SDHB: variants seen among roughly 807,000 people sequenced by gnomAD.
The protein encoded by SDHB is succinate dehydrogenase complex iron sulfur subunit B.
A neutral mutation model predicts 39.7 loss-of-function variants in SDHB; 21 were observed. The ratio of observed to expected loss-of-function variants is 0.53; its 90% CI spans 0.37 to 0.76. The LOEUF (loss-of-function observed/expected upper bound fraction) is 0.76, where lower values mean the gene tolerates loss of function less well. Ranked by LOEUF, SDHB falls within the 30% of genes least tolerant of loss-of-function variation. The pLI, the probability that SDHB is intolerant of heterozygous loss-of-function variation, is 0.00. For missense variants in SDHB, 343 were observed against 350.9 expected, an observed-to-expected ratio of 0.98 and a Z score of 0.18; for synonymous variants, 118 against 117.0, an observed-to-expected ratio of 1.01 and a Z score of -0.06.
At chr1:17,050,032 A>G (rs1337802996) in intron 1 of SDHB, among the ~76,000 whole-genome samples, 1 of 152,122 alleles carries the variant, frequency 6.6e-6, no homozygotes, top group African/African-American at 2.4e-5. Context: ...CAGAACCACA[A>G]GGCCTGTGGG....
intron 1 of SDHB, among the ~76,000 whole-genome samples, chr1:17,051,842 A>ATT (rs376165201): frequency 9.8e-5 from 14 of 142,384 alleles, no homozygotes; most frequent in South Asian, 2.2e-4. Context: ...CATTTTTTAA[A>ATT]TTTTTTTTTT....
rs77244636 is a variant in SDHB at position 17,028,340 on chromosome 1, C to T, written c.423+260G>A. On this transcript the variant is annotated intron_variant, in intron 4 of 7. Transcript: ENST00000375499. ...ATGAGCTGCTGGAGGATTTTCTAGG[C>T]GTTTATCTTCTGCCATTCAAATTCT... Among the ~76,000 whole-genome samples, 1,001 of 152,270 alleles carry T rather than the reference C, an allele frequency of 6.6e-3. 5 individuals carry two copies. The highest frequency in any genetic ancestry group is 0.011 in the Non-Finnish European group (764 of 68,022).
chr1:17,052,122 CA>C (rs2078151755), intron 1 of SDHB: 1 of 152,266 alleles, frequency 6.6e-6, no homozygotes, highest in South Asian at 2.1e-4. Context: ...GCTGGAATTA[CA>C]GGCATGAGCC....
At chr1:17,022,901 T>C in intron 6 of SDHB, 171 bp from the exon 7 acceptor site, 2 of 802,606 alleles carry the variant, frequency 2.5e-6, no homozygotes, top group Non-Finnish European at 4.0e-6. Context: ...TCCCAACACT[T>C]GTAGCTTCAC....
At chr1:17,039,013 T>C (rs1262197960) in intron 2 of SDHB, among the ~76,000 whole-genome samples, 1 of 152,206 alleles carries the variant, frequency 6.6e-6, no homozygotes, top group Non-Finnish European at 1.5e-5. Flanking sequence ...TTTCTTGCAC[T>C]TAAAACAGCA....
At chr1:17,023,257 C>T (rs753390013) in intron 6 of SDHB, 11 of 227,876 alleles carry the variant, frequency 4.8e-5, no homozygotes, top group Non-Finnish European at 8.8e-5. Flanking sequence ...CCTGCTCTAG[C>T]AGTGTTACTT....
chr1:17,022,036 C>A (rs72893374), intron 7 of SDHB, among the ~76,000 whole-genome samples: 2,109 of 152,242 alleles, frequency 0.014, 37 homozygotes, highest in African/African-American at 0.047. Flanking sequence ...TCTCAGGAAA[C>A]TGTGCTGAGA....
intron 6 of SDHB, 64 bp downstream of exon 6, chr1:17,023,909 G>A: frequency 8.0e-7 from 1 of 1,250,646 alleles, no homozygotes; most frequent in Admixed American, 1.7e-5. Flanking sequence ...GCAATCTATT[G>A]TCCTCTTGGA....
intron 3 of SDHB, among the ~76,000 whole-genome samples, chr1:17,029,584 C>A (rs560022635): frequency 4.7e-4 from 72 of 152,198 alleles, no homozygotes; most frequent in African/African-American, 1.7e-3. Flanking sequence ...GTGGCTCACG[C>A]CTGGAAACCT....
intron 1 of SDHB, among the ~76,000 whole-genome samples, chr1:17,047,698 G>T: frequency 9.0e-6 from 1 of 110,586 alleles, no homozygotes; most frequent in South Asian, 3.0e-4. Flanking sequence ...AAAAAAAAAA[G>T]AGAGAGAGTT....
At chr1:17,047,214 G>A (rs1057438387) in intron 1 of SDHB, among the ~76,000 whole-genome samples, 8 of 151,408 alleles carry the variant, frequency 5.3e-5, no homozygotes, top group Non-Finnish European at 8.8e-5. Flanking sequence ...AAATTAGCCC[G>A]GTGTGGTGGC....
intron 1 of SDHB, among the ~76,000 whole-genome samples, chr1:17,053,324 G>C (rs2078158870): frequency 6.6e-6 from 1 of 152,112 alleles, no homozygotes; most frequent in African/African-American, 2.4e-5. Context: ...GAAACACTGA[G>C]AGGATACTAG....
chr1:17,027,801 G>A lies in SDHB; in HGVS notation c.488C>T (p.Ser163Phe), dbSNP rs769687734. ...IEPYLKKKDESQEGKQQYLQS... is the reference protein window; with the variant it reads ...IEPYLKKKDEFQEGKQQYLQS... ...CAGATACTGCTGCTTGCCTTCCTGAGATTCATCCTTCTTCTTCAAATAAGG... is the reference window on the plus strand; with the variant it reads ...CAGATACTGCTGCTTGCCTTCCTGAAATTCATCCTTCTTCTTCAAATAAGG... Residue 163 changes from serine (S) to phenylalanine (F), a missense_variant, in exon 5 of 8, where the codon TCT (serine) becomes TTT (phenylalanine). Physicochemically the swap from Ser to Phe is radical, Grantham distance 155. Transcript: ENST00000375499. 11 of 1,613,666 alleles carry A rather than the reference G, an allele frequency of 6.8e-6. No homozygotes were observed. In the East Asian group the frequency reaches 2.5e-4, roughly 36 times the overall value.
At chr1:17,025,905 A>G (rs72639738) in intron 5 of SDHB, among the ~76,000 whole-genome samples, 6,654 of 152,314 alleles carry the variant, frequency 0.044, 200 homozygotes, top group Non-Finnish European at 0.061. Flanking sequence ...TATGCTGCTC[A>G]AAGGAAATGT....
intron 2 of SDHB, among the ~76,000 whole-genome samples, chr1:17,039,111 TAC>T (rs746439002): frequency 2.1e-4 from 32 of 152,154 alleles, no homozygotes; most frequent in African/African-American, 6.3e-4. Flanking sequence ...TTACATTCAA[TAC>T]AGTTATTGAC....
intron 7 of SDHB, among the ~76,000 whole-genome samples, chr1:17,019,752 A>C (rs1047656128): frequency 6.6e-6 from 1 of 152,162 alleles, no homozygotes. Flanking sequence ...GAAAAAATAT[A>C]TATTTTTTTG....
chr1:17,039,039 CT>C (rs549067815), intron 2 of SDHB, among the ~76,000 whole-genome samples: 14 of 151,920 alleles, frequency 9.2e-5, no homozygotes, highest in African/African-American at 1.7e-4. Context: ...TTGGGTTTTG[CT>C]TTTTTTAAAA....
chr1:17,038,794 T>C (rs2078063255), intron 2 of SDHB, among the ~76,000 whole-genome samples: 1 of 152,242 alleles, frequency 6.6e-6, no homozygotes, highest in Non-Finnish European at 1.5e-5. Context: ...AAATTCCTTA[T>C]AGTTTTATTT....
chr1:17,030,870 C>T (rs1188339753), intron 3 of SDHB, among the ~76,000 whole-genome samples: 2 of 151,784 alleles, frequency 1.3e-5, no homozygotes, highest in African/African-American at 2.4e-5. Context: ...TTAGTAGAGA[C>T]GGGGTTTTAC....
Sources: gnomAD v4.1 joint callset for allele counts (sites outside exome capture counted in the v4.1 genomes callset) on GRCh38, gnomAD v4.1.1 for gene constraint, MANE v1.5 for transcripts, NCBI Gene and HGNC (gene_info 2026-07-23, HGNC 2026-07-21) for gene names.